Variants in SMAD9 observed in about 807,000 individuals in gnomAD.
SMAD9 encodes the protein MAD homolog 9.
Under a neutral mutation model 46.1 loss-of-function variants are expected in SMAD9, and 36 were observed. The observed-to-expected ratio is 0.78, with a 90% confidence interval of 0.60 to 1.03. SMAD9 has a LOEUF of 1.03. Among genes scored for constraint, SMAD9 ranks in the 50% least tolerant of loss-of-function variants. SMAD9 has a pLI of 0.00. For synonymous variants in SMAD9, 245 were observed against 237.1 expected (o/e 1.03, Z -0.31); for missense variants, 572 against 599.8 (o/e 0.95, Z 0.48).
intron 1 of SMAD9, among the ~76,000 whole-genome samples, chr13:36,917,869 T>A (rs2058710815): frequency 6.6e-6 from 1 of 152,202 alleles, no homozygotes; most frequent in Admixed American, 6.5e-5. Flanking sequence ...GCACTCTCAT[T>A]AATCAGAATT....
At chr13:36,851,925 A>G (rs1479644110) in intron 6 of SMAD9, 2 of 971,384 alleles carry the variant, frequency 2.1e-6, no homozygotes, top group Non-Finnish European at 1.2e-6. Flanking sequence ...ATAATTACCT[A>G]TGAGATATTG....
At chr13:36,886,684 C>T (rs202193555) in intron 1 of SMAD9, among the ~76,000 whole-genome samples, 1 of 152,234 alleles carries the variant, frequency 6.6e-6, no homozygotes, top group African/African-American at 2.4e-5. Context: ...TAAATATTAA[C>T]AAGCCATGAA....
intron 1 of SMAD9, among the ~76,000 whole-genome samples, chr13:36,880,887 T>G (rs1007314348): frequency 1.3e-5 from 2 of 152,208 alleles, no homozygotes; most frequent in African/African-American, 4.8e-5. Flanking sequence ...AATATTTTTT[T>G]AATTTCTTAG....
In SMAD9 at chr13:36,879,815, A is replaced by C; in HGVS notation, c.-126T>G. 9.4e-7 allele frequency: 1 copy of C among 1,063,382 alleles called. No individual in the cohort carries two copies. Among genetic ancestry groups the C allele is most frequent in the South Asian group, 1.4e-5 (1 of 72,122 alleles). 65.9% of individuals were successfully genotyped at this position (1,063,382 alleles called of 1,614,324 possible). On this transcript the variant is annotated 5_prime_UTR_variant, in exon 2 of 7. Coordinates refer to ENST00000379826, the MANE Select transcript of SMAD9 (RefSeq NM_001127217.3). ...GCCCGTTCTTCTGGGAGCAGCTGGG[A>C]CCAATTCAAGTTGCGAAGTGTGTTG...
At chr13:36,864,859 C>T (rs564548960) in intron 5 of SMAD9, among the ~76,000 whole-genome samples, 1 of 152,196 alleles carries the variant, frequency 6.6e-6, no homozygotes, top group Admixed American at 6.5e-5. Context: ...AGGTTCTTCA[C>T]ATCTATGACT....
At chr13:36,849,510 G>A (rs942032409) in intron 6 of SMAD9, 5 of 152,064 alleles carry the variant, frequency 3.3e-5, no homozygotes, top group Non-Finnish European at 7.3e-5. Flanking sequence ...CAACCATGCT[G>A]CCTGATCACA....
At chr13:36,869,782 T>C (rs1475536169) in intron 3 of SMAD9, among the ~76,000 whole-genome samples, 14 of 151,964 alleles carry the variant, frequency 9.2e-5, no homozygotes, top group Admixed American at 9.2e-4. Context: ...TGAGCCGAGA[T>C]TGTGCCATTG....
At chr13:36,916,497 T>C (rs528507067) in intron 1 of SMAD9, among the ~76,000 whole-genome samples, 1 of 152,310 alleles carries the variant, frequency 6.6e-6, no homozygotes, top group East Asian at 1.9e-4. Flanking sequence ...AAAGATGGAC[T>C]TTATCCTATG....
intron 3 of SMAD9, 71 bp downstream of exon 3, chr13:36,872,587 A>G (rs1208846996): frequency 6.6e-7 from 1 of 1,517,722 alleles, no homozygotes; most frequent in Non-Finnish European, 9.1e-7. Flanking sequence ...TGTCATTGTG[A>G]CTGTTCATCA....
chr13:36,861,409 G>A (rs1397990940), intron 5 of SMAD9, among the ~76,000 whole-genome samples: 3 of 151,862 alleles, frequency 2.0e-5, no homozygotes, highest in African/African-American at 7.3e-5. Flanking sequence ...CCACCTCCTG[G>A]GTTCAAGTGA....
At position 36,920,099 on chromosome 13, in the gene SMAD9, G is replaced by A. The variant is rs2138746699; in HGVS notation, c.-187+17C>T. 6.7e-6 allele frequency: 1 copy of A among 149,796 alleles called. No homozygotes were observed. Among genetic ancestry groups the A allele is most frequent in the South Asian group, 1.8e-4 (1 of 5,534 alleles). The allele number at this position is 149,796 out of a possible 1,614,324, so 9.3% of individuals were successfully genotyped here. A position where few individuals can be genotyped will look rare whatever the true frequency, so the allele number is the denominator to read the frequency against. ...CCGTGGTCCCCCGGCCGCCCGCTCC[G>A]AGCGCCGCGCACTCACTGCCTGGCT... On this transcript the variant is annotated intron_variant, in intron 1 of 6. Transcript: ENST00000379826.
Position 36,867,184 on chromosome 13 carries a change from C to G in SMAD9, c.781+89G>C. On this transcript the variant is annotated intron_variant, in intron 4 of 6. Coordinates refer to ENST00000379826, the MANE Select transcript of SMAD9 (RefSeq NM_001127217.3). ...TGCAAAACAGCAGGCCAGTACATTT[C>G]TGGTTTTCTTTTTTGAGTTGCTTTG... 7 of 871,724 alleles carry G rather than the reference C, an allele frequency of 8.0e-6. No individual in the cohort carries two copies. The South Asian group carries it at 8.6e-5, about 11-fold the overall frequency. The allele number at this position is 871,724 out of a possible 1,614,324, so 54.0% of individuals were successfully genotyped here. A position where few individuals can be genotyped will look rare whatever the true frequency, so the allele number is the denominator to read the frequency against.
Position 36,920,015 on chromosome 13 carries a change from C to G in SMAD9, c.-187+101G>C, listed in dbSNP as rs1207426775. 2.0e-5 allele frequency: 3 copies of G among 150,760 alleles called. No homozygotes were observed. In the South Asian group the frequency reaches 6.1e-4, roughly 31 times the overall value. The allele number at this position is 150,760 out of a possible 1,614,324, so 9.3% of individuals were successfully genotyped here. On this transcript the variant is annotated intron_variant, in intron 1 of 6. Coordinates refer to ENST00000379826, the MANE Select transcript of SMAD9 (RefSeq NM_001127217.3). ...GCCGAGGAGGGCACGTCTTACCTGT[C>G]CCCGCCGTGCCACTCATCCCTCCCC...
chr13:36,848,919 G>T, intron 6 of SMAD9, 100 bp from the exon 7 acceptor site: 3 of 1,186,166 alleles, frequency 2.5e-6, no homozygotes, highest in Middle Eastern at 2.8e-4. Context: ...ACACCCCAGC[G>T]TAGCTCCTGA....
chr13:36,858,201 G>C (rs939812148), intron 5 of SMAD9, among the ~76,000 whole-genome samples: 8 of 151,784 alleles, frequency 5.3e-5, no homozygotes, highest in Non-Finnish European at 1.5e-5. Context: ...AGTTTTAATG[G>C]GTGGTAAAAA....
At chr13:36,904,120 G>A (rs1555245331) in intron 1 of SMAD9, among the ~76,000 whole-genome samples, 1 of 152,050 alleles carries the variant, frequency 6.6e-6, no homozygotes, top group Non-Finnish European at 1.5e-5. Flanking sequence ...CACAAATCAA[G>A]CCATATGGTC....
At chr13:36,876,754 A>G (rs900725550) in intron 2 of SMAD9, among the ~76,000 whole-genome samples, 3 of 152,206 alleles carry the variant, frequency 2.0e-5, no homozygotes, top group Non-Finnish European at 4.4e-5. Flanking sequence ...ATGGATGGCT[A>G]AAAAATGAGA....
chr13:36,890,377 T>C (rs1412201638), intron 1 of SMAD9, among the ~76,000 whole-genome samples: 2 of 152,200 alleles, frequency 1.3e-5, no homozygotes, highest in Non-Finnish European at 2.9e-5. Context: ...TTATAACTCT[T>C]TGCCCATCAA....
intron 1 of SMAD9, among the ~76,000 whole-genome samples, chr13:36,883,957 T>C (rs555821398): frequency 1.1e-4 from 16 of 152,232 alleles, no homozygotes; most frequent in South Asian, 6.2e-4. Context: ...AGGCTCAGTC[T>C]CCAGGGAAGG....
Sources: allele counts gnomAD v4.1 joint callset (sites outside exome capture counted in the v4.1 genomes callset), GRCh38; gene constraint gnomAD v4.1.1; transcripts MANE v1.5; gene names NCBI Gene and HGNC (gene_info 2026-07-23, HGNC 2026-07-21).